The following FBXL7 variants were observed in gnomAD, a reference collection of about 807,000 sequenced individuals.
The protein encoded by FBXL7 is F-box/LRR-repeat protein 7.
A neutral mutation model predicts 38.3 loss-of-function variants in FBXL7; 12 were observed. That is an observed-to-expected ratio of 0.31 (90% CI 0.20 to 0.51). The LOEUF (loss-of-function observed/expected upper bound fraction) is 0.51. Among genes scored for constraint, FBXL7 ranks in the 20% least tolerant of loss-of-function variants. FBXL7 has a pLI of 0.98. For synonymous variants in FBXL7, 297 were observed against 300.9 expected, an observed-to-expected ratio of 0.99 and a Z score of 0.13; for missense variants, 567 against 676.4, an observed-to-expected ratio of 0.84 and a Z score of 1.79.
At chr5:15,606,504 C>T (rs913459893) in intron 1 of FBXL7, among the ~76,000 whole-genome samples, 2 of 152,214 alleles carry the variant, frequency 1.3e-5, no homozygotes, top group African/African-American at 4.8e-5. Flanking sequence ...GTATCTTGCT[C>T]AGTGGCCCTG....
intron 1 of FBXL7, among the ~76,000 whole-genome samples, chr5:15,533,028 A>T (rs562067090): frequency 5.3e-5 from 8 of 152,300 alleles, no homozygotes; most frequent in African/African-American, 1.9e-4. Flanking sequence ...GGGAAGGCTA[A>T]TGTGTTACAG....
chr5:15,639,121 G>A (rs765109381), intron 2 of FBXL7, among the ~76,000 whole-genome samples: 1 of 152,114 alleles, frequency 6.6e-6, no homozygotes, highest in African/African-American at 2.4e-5. Flanking sequence ...TGTACTTTTT[G>A]TTCATCTCTG....
chr5:15,713,076 C>A lies in FBXL7; in HGVS notation c.127+97004C>A, dbSNP rs1743927376. ...TATGTCCTTTTTATTAGTCTGTTCT[C>A]ATGCTGCTTATAAAGACACACCTGA... On this transcript the variant is annotated intron_variant, in intron 2 of 3. Coordinates refer to ENST00000504595, the MANE Select transcript of FBXL7 (RefSeq NM_012304.5). 2.6e-5 allele frequency among the ~76,000 whole-genome samples: 4 copies of A among 152,150 alleles called. No homozygotes were observed. In the South Asian group the frequency reaches 8.3e-4, roughly 32 times the overall value.
chr5:15,807,497 T>C (rs1220792337), intron 2 of FBXL7, among the ~76,000 whole-genome samples: 1 of 152,138 alleles, frequency 6.6e-6, no homozygotes, highest in Non-Finnish European at 1.5e-5. Context: ...GGAGAGATCA[T>C]GCAGGGACAA....
intron 1 of FBXL7, among the ~76,000 whole-genome samples, chr5:15,563,858 T>A (rs1301053697): frequency 6.6e-6 from 1 of 152,076 alleles, no homozygotes; most frequent in Non-Finnish European, 1.5e-5. Flanking sequence ...GAAATACTGT[T>A]GAAATATGTC....
chr5:15,899,458 C>T (rs1249750091), intron 2 of FBXL7, among the ~76,000 whole-genome samples: 1 of 152,156 alleles, frequency 6.6e-6, no homozygotes, highest in Non-Finnish European at 1.5e-5. Flanking sequence ...CATGTGATAA[C>T]ATTTCTATGA....
chr5:15,803,707 C>A (rs1737631674), intron 2 of FBXL7, among the ~76,000 whole-genome samples: 1 of 152,220 alleles, frequency 6.6e-6, no homozygotes, highest in Middle Eastern at 3.4e-3. Flanking sequence ...TGATTATTTT[C>A]TTTGGAAATA....
At chr5:15,767,858 CTT>C (rs1026500438) in intron 2 of FBXL7, among the ~76,000 whole-genome samples, 5 of 152,122 alleles carry the variant, frequency 3.3e-5, no homozygotes, top group Non-Finnish European at 5.9e-5. Flanking sequence ...CATAAAATGT[CTT>C]TAGAACCTAA....
intron 1 of FBXL7, among the ~76,000 whole-genome samples, chr5:15,558,165 C>T (rs1483520938): frequency 2.0e-5 from 3 of 151,924 alleles, no homozygotes; most frequent in Non-Finnish European, 2.9e-5. Context: ...ATATATTTTA[C>T]CAAAATTTTT....
At chr5:15,916,364 C>A (rs1741583445) in intron 2 of FBXL7, among the ~76,000 whole-genome samples, 1 of 131,810 alleles carries the variant, frequency 7.6e-6, no homozygotes, top group Middle Eastern at 3.8e-3. Context: ...GAGAGAGATG[C>A]AGAGATGGGG....
chr5:15,631,527 C>T (rs1740995480), intron 2 of FBXL7, among the ~76,000 whole-genome samples: 1 of 151,660 alleles, frequency 6.6e-6, no homozygotes. Flanking sequence ...GAAACCCCGT[C>T]CCTACTAAAA....
At chr5:15,767,610 G>A (rs1736623991) in intron 2 of FBXL7, among the ~76,000 whole-genome samples, 1 of 152,092 alleles carries the variant, frequency 6.6e-6, no homozygotes, top group Admixed American at 6.6e-5. Flanking sequence ...AACATTTAGA[G>A]GTTCATTATA....
chr5:15,527,041 T>A (rs1039988349), intron 1 of FBXL7, among the ~76,000 whole-genome samples: 1 of 152,238 alleles, frequency 6.6e-6, no homozygotes, highest in Admixed American at 6.5e-5. Flanking sequence ...AGTAGTTCAG[T>A]TGGTTTATGG....
intron 2 of FBXL7, among the ~76,000 whole-genome samples, chr5:15,885,029 G>C (rs2126350878): frequency 6.6e-6 from 1 of 152,292 alleles, no homozygotes; most frequent in East Asian, 1.9e-4. Flanking sequence ...TGGTTTTTGA[G>C]GGCCAGGAAT....
At chr5:15,814,867 G>A (rs1561137009) in intron 2 of FBXL7, among the ~76,000 whole-genome samples, 2 of 152,040 alleles carry the variant, frequency 1.3e-5, no homozygotes, top group Non-Finnish European at 2.9e-5. Flanking sequence ...TGGAACACCG[G>A]CTGGGTAGAG....
intron 2 of FBXL7, among the ~76,000 whole-genome samples, chr5:15,873,102 A>T (rs1740039035): frequency 6.6e-6 from 1 of 152,216 alleles, no homozygotes; most frequent in Admixed American, 6.5e-5. Context: ...CAGTGCAATC[A>T]AATTAGAACT....
intron 1 of FBXL7, among the ~76,000 whole-genome samples, chr5:15,582,020 C>G (rs1739158907): frequency 6.6e-6 from 1 of 152,172 alleles, no homozygotes; most frequent in Non-Finnish European, 1.5e-5. Context: ...TCATTGCAAC[C>G]TCCATCTCCC....
intron 2 of FBXL7, among the ~76,000 whole-genome samples, chr5:15,884,349 C>T (rs894949247): frequency 6.6e-6 from 1 of 152,122 alleles, no homozygotes; most frequent in East Asian, 1.9e-4. Flanking sequence ...TCAATGCCAG[C>T]TCCACCTCCC....
chr5:15,786,087 T>A (rs192262074), intron 2 of FBXL7, among the ~76,000 whole-genome samples: 11 of 152,310 alleles, frequency 7.2e-5, no homozygotes, highest in Admixed American at 1.3e-4. Flanking sequence ...GGTGACCTAA[T>A]TTTCTAAATC....
Sources: gnomAD v4.1 joint callset for allele counts (sites outside exome capture counted in the v4.1 genomes callset) on GRCh38, gnomAD v4.1.1 for gene constraint, MANE v1.5 for transcripts, NCBI Gene and HGNC (gene_info 2026-07-23, HGNC 2026-07-21) for gene names.